DLGAP1: variants seen among roughly 807,000 people sequenced by gnomAD.
DLGAP1 encodes the protein DLG associated protein 1.
Under a neutral mutation model 90.8 loss-of-function variants are expected in DLGAP1, and 11 were observed. The observed-to-expected ratio is 0.12, with a 90% CI of 0.08 to 0.20. The LOEUF (loss-of-function observed/expected upper bound fraction) is 0.20, where lower values mean the gene tolerates loss of function less well. Ranked by LOEUF, DLGAP1 falls within the 10% of genes least tolerant of loss-of-function variation. The pLI, the probability that DLGAP1 is intolerant of heterozygous loss-of-function variation, is 1.00. For synonymous variants in DLGAP1, 558 were observed against 540.7 expected (o/e 1.03, Z -0.44); for missense variants, 1,050 against 1,333.8 (o/e 0.79, Z 3.31).
At chr18:3,978,095 G>A (rs554384232) in intron 3 of DLGAP1, 49 of 422,400 alleles carry the variant, frequency 1.2e-4, no homozygotes, top group South Asian at 6.3e-4. Context: ...CAGTAATGGC[G>A]TGGACCATGG....
At chr18:4,245,094 G>A (rs1170190782) in intron 1 of DLGAP1, among the ~76,000 whole-genome samples, 2 of 152,126 alleles carry the variant, frequency 1.3e-5, no homozygotes, top group Admixed American at 1.3e-4. Flanking sequence ...GATAGCTGTG[G>A]TCTGCTACGT....
At chr18:4,129,911 C>T (rs2076288433) in intron 2 of DLGAP1, among the ~76,000 whole-genome samples, 2 of 152,190 alleles carry the variant, frequency 1.3e-5, no homozygotes, top group South Asian at 4.1e-4. Flanking sequence ...ATAATCAGTA[C>T]TATCCTTAGC....
intron 10 of DLGAP1, among the ~76,000 whole-genome samples, chr18:3,527,896 G>T (rs760531201): frequency 6.6e-6 from 1 of 152,152 alleles, no homozygotes; most frequent in Admixed American, 6.5e-5. Context: ...CCCAGTGGGG[G>T]TATTTTAAAA....
intron 7 of DLGAP1, among the ~76,000 whole-genome samples, chr18:3,633,603 TAA>T (rs767929294): frequency 1.3e-5 from 2 of 152,238 alleles, no homozygotes; most frequent in East Asian, 3.8e-4. Flanking sequence ...CACTATTCTG[TAA>T]CTGTATTCAG....
At chr18:3,859,746 T>C (rs1272956757) in intron 4 of DLGAP1, among the ~76,000 whole-genome samples, 3 of 152,124 alleles carry the variant, frequency 2.0e-5, no homozygotes, top group African/African-American at 7.2e-5. Context: ...TACTGATGTT[T>C]TGATTGTAGC....
intron 1 of DLGAP1, among the ~76,000 whole-genome samples, chr18:4,385,215 A>G (rs890497537): frequency 7.9e-5 from 12 of 152,030 alleles, no homozygotes; most frequent in African/African-American, 2.7e-4. Context: ...TTTCACTCTC[A>G]TTTTCATATA....
chr18:3,915,838 A>C (rs889204525), intron 3 of DLGAP1, among the ~76,000 whole-genome samples: 1 of 152,076 alleles, frequency 6.6e-6, no homozygotes, highest in Non-Finnish European at 1.5e-5. Flanking sequence ...GGTCATCTGA[A>C]GACATCTTAC....
At chr18:3,888,008 T>C (rs1250354423) in intron 3 of DLGAP1, among the ~76,000 whole-genome samples, 1 of 143,916 alleles carries the variant, frequency 6.9e-6, no homozygotes, top group African/African-American at 2.6e-5. Flanking sequence ...CTTGGGAGGC[T>C]GAGGCAGGAG....
chr18:4,132,978 G>T (rs1045669230), intron 2 of DLGAP1, among the ~76,000 whole-genome samples: 1 of 152,162 alleles, frequency 6.6e-6, no homozygotes, highest in African/African-American at 2.4e-5. Context: ...ACAATCTAGA[G>T]AGGCAAGTCA....
chr18:4,183,276 G>A (rs11081099), intron 1 of DLGAP1, among the ~76,000 whole-genome samples: 69,526 of 151,860 alleles, frequency 0.46, 17,819 homozygotes, highest in East Asian at 0.7. Context: ...AAAAATAGAC[G>A]AGTTTAACTC....
chr18:4,364,050 T>C (rs2081696580), intron 1 of DLGAP1, among the ~76,000 whole-genome samples: 1 of 151,618 alleles, frequency 6.6e-6, no homozygotes, highest in Non-Finnish European at 1.5e-5. Context: ...ATGTGGCACA[T>C]ACACACCATG....
chr18:4,192,483 G>A (rs753862398), intron 1 of DLGAP1, among the ~76,000 whole-genome samples: 4 of 152,144 alleles, frequency 2.6e-5, no homozygotes, highest in Non-Finnish European at 5.9e-5. Flanking sequence ...TTATTGGAAC[G>A]TACTTATCCT....
At chr18:4,398,475 C>T (rs2082483826) in intron 1 of DLGAP1, among the ~76,000 whole-genome samples, 1 of 152,212 alleles carries the variant, frequency 6.6e-6, no homozygotes, top group Non-Finnish European at 1.5e-5. Context: ...ATGCTTGGTC[C>T]TGCTTGATCC....
chr18:4,361,508 A>T (rs990218781), intron 1 of DLGAP1, among the ~76,000 whole-genome samples: 5 of 152,184 alleles, frequency 3.3e-5, no homozygotes, highest in Admixed American at 6.5e-5. Context: ...TGAAAACTGG[A>T]CTGTCTTTTA....
Position 3,543,366 on chromosome 18 carries a change from C to A in DLGAP1, c.2058-8751G>T, listed in dbSNP as rs552809459. On this transcript the variant is annotated intron_variant, in intron 9 of 12. Transcript: ENST00000315677. ...TTTGTATTTTTAGACGGGGTTTCACCCTGTTAGCCAGGATGGTCTCGATCT... is the reference window on the plus strand; with the variant it reads ...TTTGTATTTTTAGACGGGGTTTCACACTGTTAGCCAGGATGGTCTCGATCT... 2.6e-5 allele frequency among the ~76,000 whole-genome samples: 4 copies of A among 152,122 alleles called. No homozygotes were observed. In the South Asian group the frequency reaches 8.3e-4, roughly 32 times the overall value.
At chr18:4,127,485 T>A (rs915506316) in intron 2 of DLGAP1, among the ~76,000 whole-genome samples, 1 of 152,206 alleles carries the variant, frequency 6.6e-6, no homozygotes, top group Non-Finnish European at 1.5e-5. Flanking sequence ...GAAGAATACA[T>A]CTGGAAGCAT....
At chr18:3,739,963 T>C (rs928906036) in intron 6 of DLGAP1, among the ~76,000 whole-genome samples, 3 of 152,134 alleles carry the variant, frequency 2.0e-5, no homozygotes, top group African/African-American at 7.2e-5. Context: ...GTGCAATGAT[T>C]TGTTGGTATC....
chr18:3,822,843 A>T (rs1272556593), intron 4 of DLGAP1, among the ~76,000 whole-genome samples: 1 of 152,184 alleles, frequency 6.6e-6, no homozygotes, highest in African/African-American at 2.4e-5. Flanking sequence ...GTGATATCAC[A>T]TCAAGAAATA....
intron 3 of DLGAP1, among the ~76,000 whole-genome samples, chr18:3,918,703 A>G (rs1418605665): frequency 2.6e-5 from 4 of 152,154 alleles, no homozygotes; most frequent in Non-Finnish European, 5.9e-5. Context: ...CTTCCTGGGG[A>G]TCGTGGGCAG....
Sources: allele counts gnomAD v4.1 joint callset (sites outside exome capture counted in the v4.1 genomes callset), GRCh38; gene constraint gnomAD v4.1.1; transcripts MANE v1.5; gene names NCBI Gene and HGNC (gene_info 2026-07-23, HGNC 2026-07-21).